The following PRKACB variants were observed in gnomAD, a reference collection of about 807,000 sequenced individuals.
PRKACB encodes protein kinase cAMP-activated catalytic subunit beta, also known as cAMP-dependent protein kinase catalytic subunit beta.
PRKACB carries 16 observed loss-of-function variants against 51.4 expected under a neutral mutation model. The observed-to-expected ratio is 0.31, with a 90% CI of 0.21 to 0.47. PRKACB has a LOEUF of 0.47. PRKACB is among the 20% of genes least tolerant of loss of function. The probability of loss-of-function intolerance (pLI) is 1.00; values close to 1 mark genes in which losing one functional copy is unlikely to be tolerated. For missense variants in PRKACB, 309 were observed against 464.5 expected (o/e 0.67, Z 3.08); for synonymous variants, 147 against 154.4 (o/e 0.95, Z 0.35).
chr1:84,182,415 C>T (rs1663805352), intron 3 of PRKACB, 87 bp downstream of exon 3: 1 of 1,020,114 alleles, frequency 9.8e-7, no homozygotes, highest in Non-Finnish European at 1.3e-6. Flanking sequence ...AATGACTTAC[C>T]ATTGACAGCT....
chr1:84,133,269 T>C (rs1652439686), intron 1 of PRKACB, among the ~76,000 whole-genome samples: 1 of 152,134 alleles, frequency 6.6e-6, no homozygotes, highest in South Asian at 2.1e-4. Context: ...AACTGACCTA[T>C]AATTATATAT....
At chr1:84,198,876 A>G (rs1230635447) in intron 7 of PRKACB, among the ~76,000 whole-genome samples, 2 of 148,668 alleles carry the variant, frequency 1.3e-5, no homozygotes, top group African/African-American at 2.5e-5. Flanking sequence ...TACACCACAT[A>G]TATGTGTATA....
chr1:84,098,331 T>C (rs1316771657), intron 1 of PRKACB, among the ~76,000 whole-genome samples: 4 of 152,240 alleles, frequency 2.6e-5, no homozygotes, highest in African/African-American at 9.6e-5. Flanking sequence ...AACACAGCTT[T>C]TAATCTCAAT....
chr1:84,223,963 G>A (rs1233747803), intron 9 of PRKACB, among the ~76,000 whole-genome samples: 1 of 152,154 alleles, frequency 6.6e-6, no homozygotes, highest in Non-Finnish European at 1.5e-5. Context: ...CCAGTTTTTA[G>A]GATTGGCTTT....
chr1:84,220,009 A>T (rs1673468125), intron 9 of PRKACB, among the ~76,000 whole-genome samples: 1 of 151,880 alleles, frequency 6.6e-6, no homozygotes, highest in Admixed American at 6.6e-5. Context: ...TTTTGATAGG[A>T]ATTGCATTGA....
At chr1:84,146,281 G>A (rs1050873682) in intron 1 of PRKACB, among the ~76,000 whole-genome samples, 1 of 151,760 alleles carries the variant, frequency 6.6e-6, no homozygotes, top group Non-Finnish European at 1.5e-5. Flanking sequence ...CATTAATTAA[G>A]CATTCCTCTA....
intron 8 of PRKACB, among the ~76,000 whole-genome samples, chr1:84,210,076 T>C (rs1671905479): frequency 6.6e-6 from 1 of 152,188 alleles, no homozygotes; most frequent in African/African-American, 2.4e-5. Context: ...CTTCTGTGGA[T>C]TCAAAACTTT....
chr1:84,090,671 A>G (rs1648387830), intron 1 of PRKACB, among the ~76,000 whole-genome samples: 1 of 152,146 alleles, frequency 6.6e-6, no homozygotes, highest in Non-Finnish European at 1.5e-5. Context: ...GCCCCATATC[A>G]TGTGGCTAAG....
At chr1:84,154,805 G>T (rs1406766125) in intron 1 of PRKACB, among the ~76,000 whole-genome samples, 23 of 152,094 alleles carry the variant, frequency 1.5e-4, no homozygotes, top group Admixed American at 1.5e-3. Context: ...CATCTCAGTA[G>T]ATGCAGAGAA....
chr1:84,205,329 C>A (rs1262645432), intron 8 of PRKACB: 3 of 920,982 alleles, frequency 3.3e-6, no homozygotes, highest in Non-Finnish European at 3.9e-6. Context: ...ATTCACATTG[C>A]AAAAATATTA....
At chr1:84,183,916 C>G in intron 3 of PRKACB, 121 bp from the exon 4 acceptor site, 1 of 1,063,184 alleles carries the variant, frequency 9.4e-7, no homozygotes, top group Non-Finnish European at 1.3e-6. Context: ...TATTATCTTC[C>G]TTATCCAATT....
chr1:84,224,022 G>A (rs1674172560), intron 9 of PRKACB, among the ~76,000 whole-genome samples: 1 of 152,140 alleles, frequency 6.6e-6, no homozygotes, highest in Non-Finnish European at 1.5e-5. Flanking sequence ...TTGGTTTGTT[G>A]GGCAGTTTAG....
chr1:84,153,068 C>T (rs1655030814), intron 1 of PRKACB, among the ~76,000 whole-genome samples: 1 of 151,942 alleles, frequency 6.6e-6, no homozygotes, highest in Non-Finnish European at 1.5e-5. Flanking sequence ...TTCAGTATTG[C>T]TGTGTCTTAG....
intron 1 of PRKACB, among the ~76,000 whole-genome samples, chr1:84,126,419 C>T (rs1418884946): frequency 1.3e-5 from 2 of 152,126 alleles, no homozygotes; most frequent in African/African-American, 2.4e-5. Context: ...AACTCTTCTG[C>T]GAAGTCCTGC....
At chr1:84,231,359 C>A (rs536577398) in intron 9 of PRKACB, among the ~76,000 whole-genome samples, 1 of 152,284 alleles carries the variant, frequency 6.6e-6, no homozygotes, top group Non-Finnish European at 1.5e-5. Flanking sequence ...CAATGTTCAT[C>A]AAGGATATTG....
chr1:84,129,044 C>G (rs944220496), intron 1 of PRKACB, among the ~76,000 whole-genome samples: 1 of 152,050 alleles, frequency 6.6e-6, no homozygotes, highest in Non-Finnish European at 1.5e-5. Context: ...AATTTGAATT[C>G]CTGGAAGAAA....
chr1:84,180,535 A>G (rs1237684843), intron 2 of PRKACB, among the ~76,000 whole-genome samples: 1 of 151,872 alleles, frequency 6.6e-6, no homozygotes, highest in Non-Finnish European at 1.5e-5. Flanking sequence ...TACTCATGTA[A>G]CCAAATACCA....
chr1:84,153,085 G>A (rs1407889087), intron 1 of PRKACB, among the ~76,000 whole-genome samples: 3 of 151,984 alleles, frequency 2.0e-5, no homozygotes, highest in Non-Finnish European at 4.4e-5. Context: ...TTAGGGAATA[G>A]GAAGGCCCAA....
Position 84,235,283 on chromosome 1 carries a change from C to A in PRKACB, c.1175C>A (p.Ala392Glu). Residue 392 changes from alanine (A) to glutamate (E), a missense_variant, in exon 10 of 10, where the codon GCA (alanine) becomes GAA (glutamate). Coordinates refer to ENST00000370685, the MANE Select transcript of PRKACB (RefSeq NM_182948.4). Reference sequence around the variant, plus strand: ...CGTGTCTCTATAACAGAAAAATGTGCAAAAGAATTTGGTGAATTTTAAAGA... The same window carrying A: ...CGTGTCTCTATAACAGAAAAATGTGAAAAAGAATTTGGTGAATTTTAAAGA... The part of the protein sequence containing the change: ...DIRVSITEKC[A>E]KEFGEF 1 of 1,613,952 alleles carries A rather than the reference C, an allele frequency of 6.2e-7. No homozygotes were observed. The highest frequency in any genetic ancestry group is 1.3e-5 in the African/African-American group (1 of 74,992).
Sources: allele counts gnomAD v4.1 joint callset (sites outside exome capture counted in the v4.1 genomes callset), GRCh38; gene constraint gnomAD v4.1.1; transcripts MANE v1.5; gene names NCBI Gene and HGNC (gene_info 2026-07-23, HGNC 2026-07-21).